The following COLGALT2 variants were observed in gnomAD, a reference collection of about 807,000 sequenced individuals.
COLGALT2 encodes collagen beta(1-O)galactosyltransferase 2.
A neutral mutation model predicts 73.4 loss-of-function variants in COLGALT2; 49 were observed. The ratio of observed to expected loss-of-function variants is 0.67; its 90% confidence interval spans 0.53 to 0.85. The LOEUF (loss-of-function observed/expected upper bound fraction) is 0.85, where lower values mean the gene tolerates loss of function less well. Among genes scored for constraint, COLGALT2 ranks in the 40% least tolerant of loss-of-function variants. The probability of loss-of-function intolerance (pLI) is 0.00; values close to 1 mark genes in which losing one functional copy is unlikely to be tolerated. For synonymous variants in COLGALT2, 295 were observed against 307.6 expected (o/e 0.96, Z 0.43); for missense variants, 722 against 790.2 (o/e 0.91, Z 1.03).
At chr1:183,972,984 C>A (rs754314153) in intron 4 of COLGALT2, among the ~76,000 whole-genome samples, 11 of 152,184 alleles carry the variant, frequency 7.2e-5, no homozygotes, top group Non-Finnish European at 1.5e-4. Context: ...CAGGTGTGAG[C>A]CACCGCGCCT....
Position 183,936,607 on chromosome 1 carries a change from C to G in COLGALT2, c.*2154G>C. 1.7e-6 allele frequency: 2 copies of G among 1,181,600 alleles called. No individual in the cohort carries two copies. The highest frequency in any genetic ancestry group is 2.1e-6 in the Non-Finnish European group (2 of 957,022). 73.2% of individuals were successfully genotyped at this position (1,181,600 alleles called of 1,614,324 possible). A position where few individuals can be genotyped will look rare whatever the true frequency, so the allele number is the denominator to read the frequency against. On this transcript the variant is annotated 3_prime_UTR_variant, in exon 12 of 12. Coordinates refer to ENST00000361927, the MANE Select transcript of COLGALT2 (RefSeq NM_015101.4). ...ACCCCAGCACCCCAGCCACCTCCCA[C>G]CCCATTAAAAAAGTCATTAAAGTCA...
At chr1:183,995,733 TAAAATATTCC>T in intron 1 of COLGALT2, among the ~76,000 whole-genome samples, 1 of 152,284 alleles carries the variant, frequency 6.6e-6, no homozygotes, top group South Asian at 2.1e-4. Context: ...CCAATTTACT[TAAAATATTCC>T]AATTACCTTA....
At chr1:183,943,576 G>A (rs1399454156) in intron 10 of COLGALT2, among the ~76,000 whole-genome samples, 1 of 152,122 alleles carries the variant, frequency 6.6e-6, no homozygotes, top group African/African-American at 2.4e-5. Context: ...AATTCCCAGA[G>A]AGTAGACAAA....
intron 6 of COLGALT2, among the ~76,000 whole-genome samples, chr1:183,963,420 A>T (rs1347889777): frequency 6.6e-6 from 1 of 152,198 alleles, no homozygotes; most frequent in African/African-American, 2.4e-5. Flanking sequence ...TTATGATGTA[A>T]CAGTGATATC....
At chr1:184,033,186 G>A (rs1649569380) in intron 1 of COLGALT2, among the ~76,000 whole-genome samples, 1 of 152,218 alleles carries the variant, frequency 6.6e-6, no homozygotes, top group African/African-American at 2.4e-5. Context: ...TGGGGCAAAT[G>A]TTTTTCCCTG....
chr1:183,975,192 G>C lies in COLGALT2; in HGVS notation c.397C>G (p.Pro133Ala), dbSNP rs772709921. ...EPESYPDEIGPKHWPTSRFAH... is the reference protein window; with the variant it reads ...EPESYPDEIGAKHWPTSRFAH... The stretch of plus-strand genomic sequence containing the variant: ...AACCGGGAGGTTGGCCAGTGCTTTG[G>C]TCCAATTTCATCAGGGTAAGACCTA... The change falls in exon 3 of 12, where the codon CCA becomes GCA. Residue 133 changes from proline (P) to alanine (A), a missense_variant. Pro to Ala is a conservative substitution (Grantham distance 27, BLOSUM62 -1). Coordinates refer to ENST00000361927, the MANE Select transcript of COLGALT2 (RefSeq NM_015101.4). 4.3e-6 allele frequency: 7 copies of C among 1,613,680 alleles called. No homozygotes were observed. Among genetic ancestry groups the C allele is most frequent in the Non-Finnish European group, 5.9e-6 (7 of 1,179,706 alleles).
chr1:183,971,681 A>G (rs1671040796), intron 4 of COLGALT2, among the ~76,000 whole-genome samples: 1 of 152,254 alleles, frequency 6.6e-6, no homozygotes, highest in African/African-American at 2.4e-5. Flanking sequence ...AGAAGAAATA[A>G]TTACAACAAA....
chr1:183,946,998 T>G (rs1228571516), intron 8 of COLGALT2, among the ~76,000 whole-genome samples: 1 of 152,038 alleles, frequency 6.6e-6, no homozygotes, highest in Non-Finnish European at 1.5e-5. Context: ...GCCATTGCAC[T>G]GCAGCCTGGG....
At chr1:183,986,233 T>C (rs1039118500) in intron 1 of COLGALT2, among the ~76,000 whole-genome samples, 9 of 152,188 alleles carry the variant, frequency 5.9e-5, no homozygotes, top group African/African-American at 1.7e-4. Flanking sequence ...TGAATATGGA[T>C]TGGGGGTCTG....
At chr1:184,030,319 A>G (rs957051766) in intron 1 of COLGALT2, among the ~76,000 whole-genome samples, 2 of 152,240 alleles carry the variant, frequency 1.3e-5, no homozygotes, top group Non-Finnish European at 2.9e-5. Context: ...AATAATAGCT[A>G]TAATTTAAAC....
chr1:183,941,208 T>C (rs917055539), intron 10 of COLGALT2, among the ~76,000 whole-genome samples: 1 of 152,244 alleles, frequency 6.6e-6, no homozygotes, highest in African/African-American at 2.4e-5. Context: ...GGATGCCTTC[T>C]GCACAGCACT....
chr1:183,938,675 A>G lies in COLGALT2; in HGVS notation c.*86T>C. On this transcript the variant is annotated 3_prime_UTR_variant, in exon 12 of 12. Transcript: ENST00000361927. The stretch of plus-strand genomic sequence containing the variant: ...CTGTGACCACTAAGAACAAAACAAA[A>G]CAGAAAACTGGAGCAAACAGATGAA... 6.5e-7 allele frequency: 1 copy of G among 1,534,354 alleles called. No homozygotes were observed. The highest frequency in any genetic ancestry group is 1.3e-5 in the South Asian group (1 of 76,912).
At chr1:183,932,233 C>T (rs947541008), downstream of COLGALT2, among the ~76,000 whole-genome samples, 2 of 152,142 alleles carry the variant, frequency 1.3e-5, no homozygotes, top group Admixed American at 6.5e-5. Flanking sequence ...CTGACTGCCT[C>T]GGTCTGACTC....
intron 2 of COLGALT2, among the ~76,000 whole-genome samples, chr1:183,975,504 A>G (rs1216840861): frequency 1.3e-5 from 2 of 152,234 alleles, no homozygotes; most frequent in African/African-American, 2.4e-5. Flanking sequence ...TGAGGATATC[A>G]GGGTAGAGCA....
intron 11 of COLGALT2, chr1:183,930,345 TAGAA>T (rs1474305987): frequency 4.4e-6 from 2 of 453,450 alleles, no homozygotes; most frequent in South Asian, 1.6e-5. Flanking sequence ...GAGAAAATAC[TAGAA>T]AGAACAATTT....
At chr1:184,006,022 C>A (rs1306533956) in intron 1 of COLGALT2, among the ~76,000 whole-genome samples, 1 of 152,184 alleles carries the variant, frequency 6.6e-6, no homozygotes, top group African/African-American at 2.4e-5. Flanking sequence ...ATACCAGTTT[C>A]TTTCCCCATC....
Position 184,037,243 on chromosome 1 carries a change from C to T in COLGALT2, c.115G>A (p.Gly39Arg), listed in dbSNP as rs147120459. ...TCCGGGAAAACCACCGGCTCCTCTC[C>T]GTCGTCCTCCGAGTCCCGCTCGGCG... ...FVAERDSEDD[G>R]EEPVVFPESP... Residue 39 changes from glycine (G) to arginine (R), a missense_variant, in exon 1 of 12, where the codon GGA becomes AGA. Gly to Arg is a moderately radical substitution (Grantham distance 125, BLOSUM62 -2). Coordinates refer to ENST00000361927, the MANE Select transcript of COLGALT2 (RefSeq NM_015101.4). 3,057 of 1,584,006 alleles carry T rather than the reference C, an allele frequency of 1.9e-3. 61 individuals carry two copies. In the African/African-American group the frequency reaches 0.034, roughly 18 times the overall value.
rs1204915117 is a variant in COLGALT2 at position 183,937,112 on chromosome 1, G to A, written c.*1649C>T. On this transcript the variant is annotated 3_prime_UTR_variant, in exon 12 of 12. Transcript: ENST00000361927. ...CTGGCTTAAAGTGTATCTTACACTC[G>A]TACACTAAGCTTGTGTATGTAGCAC... The A allele has an allele frequency of 3.3e-6, 4 of 1,230,020 alleles. No individual in the cohort carries two copies. In the South Asian group the frequency reaches 1.3e-4, roughly 39 times the overall value. The allele number at this position is 1,230,020 out of a possible 1,614,324, so 76.2% of individuals were successfully genotyped here.
At chr1:183,991,825 G>A (rs1351521031) in intron 1 of COLGALT2, among the ~76,000 whole-genome samples, 6 of 151,938 alleles carry the variant, frequency 3.9e-5, no homozygotes, top group Non-Finnish European at 4.4e-5. Context: ...TTACTTAGTC[G>A]TAGTGTCAGG....
Sources: allele counts gnomAD v4.1 joint callset (sites outside exome capture counted in the v4.1 genomes callset), GRCh38; gene constraint gnomAD v4.1.1; transcripts MANE v1.5; gene names NCBI Gene and HGNC (gene_info 2026-07-23, HGNC 2026-07-21).